CRIM1: variants seen among roughly 807,000 people sequenced by gnomAD.
CRIM1 encodes cysteine rich transmembrane BMP regulator 1.
CRIM1 carries 32 observed loss-of-function variants against 116.4 expected under a neutral mutation model. The observed-to-expected ratio is 0.27, with a 90% CI of 0.21 to 0.37. The LOEUF is 0.37. CRIM1 is among the 10% of genes least tolerant of loss of function. The probability of loss-of-function intolerance (pLI) is 1.00; values close to 1 mark genes in which losing one functional copy is unlikely to be tolerated. For missense variants in CRIM1, 1,331 were observed against 1,354.8 expected (o/e 0.98, Z 0.28); for synonymous variants, 590 against 509.2 (o/e 1.16, Z -2.13).
At chr2:36,363,538 C>G (rs927684188) in intron 1 of CRIM1, among the ~76,000 whole-genome samples, 2 of 144,020 alleles carry the variant, frequency 1.4e-5, no homozygotes, top group African/African-American at 2.5e-5. Context: ...CGCCCCCCCC[C>G]CCCATGACTA....
intron 2 of CRIM1, among the ~76,000 whole-genome samples, chr2:36,413,810 A>T (rs1264627280): frequency 6.6e-6 from 1 of 152,172 alleles, no homozygotes. Flanking sequence ...GTTTCATTAC[A>T]TACACTTGTA....
intron 5 of CRIM1, among the ~76,000 whole-genome samples, chr2:36,473,700 G>A (rs960832332): frequency 4.6e-5 from 7 of 152,036 alleles, no homozygotes; most frequent in African/African-American, 1.7e-4. Context: ...TTGCATATCA[G>A]AACTTCATTT....
chr2:36,365,201 A>G (rs1669509301), intron 1 of CRIM1, among the ~76,000 whole-genome samples: 1 of 152,208 alleles, frequency 6.6e-6, no homozygotes, highest in Non-Finnish European at 1.5e-5. Flanking sequence ...TTTCAGCAGA[A>G]TGTGAACACT....
intron 7 of CRIM1, among the ~76,000 whole-genome samples, chr2:36,487,052 T>C (rs1056295919): frequency 6.6e-6 from 1 of 152,222 alleles, no homozygotes; most frequent in Non-Finnish European, 1.5e-5. Context: ...GTTTACTTTT[T>C]AGCTTTTGTC....
intron 1 of CRIM1, among the ~76,000 whole-genome samples, chr2:36,359,820 C>T (rs1043364917): frequency 6.6e-6 from 1 of 152,142 alleles, no homozygotes; most frequent in African/African-American, 2.4e-5. Flanking sequence ...TACTTTCTGT[C>T]AGTCTAGAAA....
chr2:36,457,248 C>G (rs1677207097), intron 4 of CRIM1, among the ~76,000 whole-genome samples: 2 of 152,102 alleles, frequency 1.3e-5, no homozygotes, highest in South Asian at 4.1e-4. Flanking sequence ...GCACCCATCA[C>G]CTGAACAGTA....
Position 36,550,362 on chromosome 2 carries a change from A to C in CRIM1, c.*1661A>C, listed in dbSNP as rs1342206172. On this transcript the variant is annotated 3_prime_UTR_variant, in exon 17 of 17. Coordinates refer to ENST00000280527, the MANE Select transcript of CRIM1 (RefSeq NM_016441.3). ...GTATACTATAGTGGTAACTTTTCAA[A>C]CAGCCCTTAGCACTTTTATACTAAT... The C allele has an allele frequency of 6.6e-6, 1 of 152,406 alleles. No individual in the cohort carries two copies. Among genetic ancestry groups the C allele is most frequent in the Non-Finnish European group, 1.5e-5 (1 of 68,014 alleles). The allele number at this position is 152,406 out of a possible 1,614,324, so 9.4% of individuals were successfully genotyped here.
intron 8 of CRIM1, among the ~76,000 whole-genome samples, chr2:36,502,724 G>C (rs1432449401): frequency 6.6e-6 from 1 of 152,130 alleles, no homozygotes; most frequent in Non-Finnish European, 1.5e-5. Flanking sequence ...AGGAAGCTTT[G>C]GTCCTTCAGC....
Position 36,547,088 on chromosome 2 carries a change from C to A in CRIM1, c.2851C>A (p.Leu951Ile). 1.2e-6 allele frequency: 2 copies of A among 1,611,424 alleles called. No homozygotes were observed. The highest frequency in any genetic ancestry group is 1.7e-6 in the Non-Finnish European group (2 of 1,177,706). Residue 951 changes from leucine to isoleucine, a missense_variant, in exon 16 of 17, where the codon CTC (leucine) becomes ATC (isoleucine). Around this residue, in one of 3 missense-constraint regions of CRIM1, gnomAD observed 283 missense variants for 242.8 expected, o/e 1.17. Transcript: ENST00000280527. ...ASVVVPIIIC[L>I]SIIIAFLFIN... ...AGTTGTGGTTCCCATAATTATATGC[C>A]TCTCTATTATAATAGCATTCCTATT...
chr2:36,546,117 G>A (rs848605), intron 15 of CRIM1, among the ~76,000 whole-genome samples: 52,413 of 151,982 alleles, frequency 0.34, 9,333 homozygotes, highest in South Asian at 0.5. Context: ...GAACAATTTA[G>A]GAGTAACTCC....
In CRIM1 at chr2:36,525,923, C is replaced by A. The variant is rs532315367; in HGVS notation, c.2428+3610C>A. 6.6e-5 allele frequency among the ~76,000 whole-genome samples: 10 copies of A among 152,236 alleles called. 1 individual carries two copies. The highest frequency in any genetic ancestry group is 2.4e-4 in the African/African-American group (10 of 41,536). The stretch of plus-strand genomic sequence containing the variant: ...TTTCTGATTACAAGTATTTGTGTTC[C>A]TTGTGTCAAATTGTCAAGTCACTAA... On this transcript the variant is annotated intron_variant, in intron 13 of 16. Transcript: ENST00000280527.
rs1667294976 is a variant in CRIM1 at position 36,545,989 on chromosome 2, C to G, written c.2747-995C>G. ...TTAGGAATGTTTTCTACCTCCCATT[C>G]CTCCCTGCTCCCACCACCCCTCCAG... On this transcript the variant is annotated intron_variant, in intron 15 of 16. Transcript: ENST00000280527. Among the ~76,000 whole-genome samples the G allele has an allele frequency of 2.6e-5, 4 of 152,120 alleles. No individual in the cohort carries two copies. The South Asian group carries it at 8.3e-4, about 31-fold the overall frequency.
chr2:36,480,859 T>C (rs1572838836), intron 7 of CRIM1, among the ~76,000 whole-genome samples: 1 of 151,816 alleles, frequency 6.6e-6, no homozygotes, highest in East Asian at 1.9e-4. Flanking sequence ...GTATATATAC[T>C]CCTCCCATTC....
chr2:36,520,370 T>G (rs1164146555), intron 12 of CRIM1, among the ~76,000 whole-genome samples: 1 of 152,254 alleles, frequency 6.6e-6, no homozygotes, highest in Non-Finnish European at 1.5e-5. Context: ...CATGGAGATT[T>G]GCAGGGCCTA....
chr2:36,433,713 GC>G (rs1264414323), intron 2 of CRIM1, among the ~76,000 whole-genome samples: 1 of 152,182 alleles, frequency 6.6e-6, no homozygotes, highest in Non-Finnish European at 1.5e-5. Context: ...TTAATGCACA[GC>G]CAGGGTTGAG....
chr2:36,385,758 GCTC>G (rs1671124801), intron 1 of CRIM1, among the ~76,000 whole-genome samples: 1 of 152,092 alleles, frequency 6.6e-6, no homozygotes, highest in Non-Finnish European at 1.5e-5. Context: ...TGTTTCTTCA[GCTC>G]CTCATGTCCC....
intron 4 of CRIM1, among the ~76,000 whole-genome samples, chr2:36,454,061 C>CT (rs1676937607): frequency 6.6e-6 from 1 of 152,124 alleles, no homozygotes; most frequent in African/African-American, 2.4e-5. Context: ...TGTTTTGTTA[C>CT]TTTCCTGTTT....
chr2:36,538,394 C>G (rs1294263444), intron 14 of CRIM1, among the ~76,000 whole-genome samples: 2 of 151,250 alleles, frequency 1.3e-5, no homozygotes, highest in African/African-American at 2.4e-5. Context: ...AAGGCTCACT[C>G]TAAGATCTCA....
At chr2:36,505,231 G>T (rs1681308938) in intron 8 of CRIM1, among the ~76,000 whole-genome samples, 1 of 152,182 alleles carries the variant, frequency 6.6e-6, no homozygotes, top group South Asian at 2.1e-4. Flanking sequence ...GGAATTGCCA[G>T]CATCTAAGAG....
Sources: gnomAD v4.1 joint callset for allele counts (sites outside exome capture counted in the v4.1 genomes callset) on GRCh38, gnomAD v4.1.1 for gene constraint, gnomAD v4.1.1 regional missense constraint, MANE v1.5 for transcripts, NCBI Gene and HGNC (gene_info 2026-07-23, HGNC 2026-07-21) for gene names.